MAGI3: variants seen among roughly 807,000 people sequenced by gnomAD.
MAGI3 encodes membrane-associated guanylate kinase, WW and PDZ domain-containing protein 3.
MAGI3 carries 43 observed loss-of-function variants against 121.8 expected under a neutral mutation model. The observed-to-expected ratio is 0.35, with a 90% CI of 0.28 to 0.46. The LOEUF (loss-of-function observed/expected upper bound fraction) is 0.46, where lower values mean the gene tolerates loss of function less well. Ranked by LOEUF, MAGI3 falls within the 20% of genes least tolerant of loss-of-function variation. The probability of loss-of-function intolerance (pLI) is 1.00; values close to 1 mark genes in which losing one functional copy is unlikely to be tolerated. For missense variants in MAGI3, 1,547 were observed against 1,797.3 expected (o/e 0.86, Z 2.52); for synonymous variants, 553 against 639.3 (o/e 0.86, Z 2.04).
At chr1:113,563,410 A>G (rs1223572190) in intron 2 of MAGI3, among the ~76,000 whole-genome samples, 5 of 152,292 alleles carry the variant, frequency 3.3e-5, no homozygotes, top group African/African-American at 1.2e-4. Flanking sequence ...CACAGAAAGG[A>G]TACTGGAGAA....
In MAGI3 at chr1:113,391,030, C is replaced by T. The variant is rs1489561044; in HGVS notation, c.-4C>T. The T allele has an allele frequency of 6.3e-7, 1 of 1,577,594 alleles. No homozygotes were observed. Among genetic ancestry groups the T allele is most frequent in the South Asian group, 1.2e-5 (1 of 86,634 alleles). ...GTCTCCCCCATGGTGCAGCGGGGTT[C>T]GGGATGTCGAAGACGCTGAAGAAGA... On this transcript the variant is annotated 5_prime_UTR_variant, in exon 1 of 21. Coordinates refer to ENST00000307546, the MANE Select transcript of MAGI3 (RefSeq NM_001142782.2). The surrounding 1 kb of genome is among the most constrained non-coding windows in gnomAD (Gnocchi z 4.4).
intron 1 of MAGI3, among the ~76,000 whole-genome samples, chr1:113,434,588 TGAGA>T (rs1441279462): frequency 3.3e-5 from 5 of 152,218 alleles, no homozygotes; most frequent in African/African-American, 4.8e-5. Flanking sequence ...CTCTCTTTAT[TGAGA>T]GAATCTCCTC....
chr1:113,475,250 C>G (rs1655754752), intron 1 of MAGI3, among the ~76,000 whole-genome samples: 1 of 152,108 alleles, frequency 6.6e-6, no homozygotes, highest in Non-Finnish European at 1.5e-5. Context: ...GCCTGATTGC[C>G]CCAGCCAGAA....
At chr1:113,680,676 GA>G (rs1379804925) in intron 19 of MAGI3, among the ~76,000 whole-genome samples, 1 of 152,104 alleles carries the variant, frequency 6.6e-6, no homozygotes, top group Non-Finnish European at 1.5e-5. Flanking sequence ...AGAATGGCGT[GA>G]ACCCAGGAGG....
intron 6 of MAGI3, among the ~76,000 whole-genome samples, chr1:113,595,539 C>T (rs1648946262): frequency 6.6e-6 from 1 of 151,956 alleles, no homozygotes; most frequent in Non-Finnish European, 1.5e-5. Flanking sequence ...AGAAATTAAA[C>T]AGAATTTCCA....
chr1:113,512,533 T>A lies in MAGI3; in HGVS notation c.317-36982T>A, dbSNP rs561921135. ...AAAAATATGTTTTTGGGCATAAATT[T>A]TAAGATTTTTAAAGCCTGTTCTTTT... On this transcript the variant is annotated intron_variant, in intron 1 of 20. Coordinates refer to ENST00000307546, the MANE Select transcript of MAGI3 (RefSeq NM_001142782.2). Among the ~76,000 whole-genome samples the A allele has an allele frequency of 5.3e-5, 8 of 152,328 alleles. No individual in the cohort carries two copies. In the South Asian group the frequency reaches 1.7e-3, roughly 32 times the overall value.
Position 113,438,431 on chromosome 1 carries a change from A to G in MAGI3, c.316+47082A>G, listed in dbSNP as rs138329409. ...CTTAACTAAGCACTTATCACATACT[A>G]TGGCTGTAACTTTTGCAGTTTGAGG... On this transcript the variant is annotated intron_variant, in intron 1 of 20. Coordinates refer to ENST00000307546, the MANE Select transcript of MAGI3 (RefSeq NM_001142782.2). 1.9e-4 allele frequency among the ~76,000 whole-genome samples: 29 copies of G among 152,224 alleles called. No homozygotes were observed. The East Asian group carries it at 5.2e-3, about 27-fold the overall frequency.
chr1:113,552,125 G>A (rs368057113), intron 2 of MAGI3, among the ~76,000 whole-genome samples: 1 of 151,994 alleles, frequency 6.6e-6, no homozygotes, highest in African/African-American at 2.4e-5. Context: ...TTACATTACT[G>A]TACTTTCCTC....
chr1:113,581,051 G>GA (rs1175756099), intron 3 of MAGI3: 1 of 152,454 alleles, frequency 6.6e-6, no homozygotes, highest in African/African-American at 2.4e-5. Context: ...GGAAAAAAGA[G>GA]AATATAAAAT....
chr1:113,577,861 C>T (rs1030665053), intron 2 of MAGI3, among the ~76,000 whole-genome samples: 1 of 152,078 alleles, frequency 6.6e-6, no homozygotes. Context: ...TCGATCAGTG[C>T]TGTTTTTATA....
intron 2 of MAGI3, among the ~76,000 whole-genome samples, chr1:113,572,805 T>C (rs1647382966): frequency 2.0e-5 from 3 of 152,352 alleles, no homozygotes; most frequent in African/African-American, 7.2e-5. Context: ...TTATTCTGGC[T>C]AGTTGCCTGT....
At chr1:113,668,297 C>A (rs1003947886) in intron 16 of MAGI3, among the ~76,000 whole-genome samples, 1 of 152,054 alleles carries the variant, frequency 6.6e-6, no homozygotes, top group Non-Finnish European at 1.5e-5. Flanking sequence ...AGACAGAAAG[C>A]CCAGCAAAAA....
intron 17 of MAGI3, 29 bp from the exon 18 acceptor site, chr1:113,672,586 G>A (rs775817511): frequency 6.2e-7 from 1 of 1,602,940 alleles, no homozygotes. Context: ...TCTCAGTTCA[G>A]AGAGTGACTT....
In MAGI3 at chr1:113,683,198, A is replaced by G; in HGVS notation, c.3630A>G (p.Lys1210=). 1 of 1,614,008 alleles carries G rather than the reference A, an allele frequency of 6.2e-7. No individual in the cohort carries two copies. Among genetic ancestry groups the G allele is most frequent in the Non-Finnish European group, 8.5e-7 (1 of 1,179,900 alleles). The part of the protein sequence containing the change: ...HGHSNKKNLL[K]VENGVTRRGR... ...ACAGTAACAAGAAAAATCTATTAAA[A>G]GTAGAAAATGGTGTTACACGAAGAG... Residue 1210 remains lysine, a synonymous_variant, in exon 21 of 21, where the codon AAA becomes AAG. Transcript: ENST00000307546.
chr1:113,491,172 G>A (rs966086474), intron 1 of MAGI3, among the ~76,000 whole-genome samples: 1 of 151,984 alleles, frequency 6.6e-6, no homozygotes, highest in African/African-American at 2.4e-5. Flanking sequence ...AAATCATAAC[G>A]AACAATATCT....
chr1:113,514,552 A>T (rs1657788697), intron 1 of MAGI3, among the ~76,000 whole-genome samples: 1 of 150,460 alleles, frequency 6.6e-6, no homozygotes. Context: ...GCATATTCTC[A>T]CTCATAGGTG....
At position 113,416,426 on chromosome 1, in the gene MAGI3, A is replaced by AT. The variant is rs1491428348; in HGVS notation, c.316+25078dup. 4.2e-3 allele frequency among the ~76,000 whole-genome samples: 512 copies of AT among 123,050 alleles called. 2 individuals are homozygous for AT. The highest frequency in any genetic ancestry group is 6.2e-3 in the Non-Finnish European group (381 of 61,370). The allele number at this position is 123,050 out of a possible 152,430, so 80.7% of individuals were successfully genotyped here. A position where few individuals can be genotyped will look rare whatever the true frequency, so the allele number is the denominator to read the frequency against. ...ATTAATTAATAATTAATAATTAATAATATATATTAATTATATATGATTTAT... is the reference window on the plus strand; with the variant it reads ...ATTAATTAATAATTAATAATTAATAATTATATATTAATTATATATGATTTAT... On this transcript the variant is annotated intron_variant, in intron 1 of 20. Transcript: ENST00000307546.
chr1:113,450,415 G>A, intron 1 of MAGI3: 1 of 1,137,360 alleles, frequency 8.8e-7, no homozygotes, highest in East Asian at 2.3e-5. Flanking sequence ...GGAGGTGATG[G>A]TGGCAACTAT....
Position 113,587,117 on chromosome 1 carries a change from G to A in MAGI3, c.763+1521G>A, listed in dbSNP as rs575850573. Among the ~76,000 whole-genome samples the A allele has an allele frequency of 2.2e-4, 34 of 152,312 alleles. 1 individual carries two copies. The South Asian group carries it at 6.6e-3, about 30-fold the overall frequency. On this transcript the variant is annotated intron_variant, in intron 4 of 20. Transcript: ENST00000307546. ...CAAACAGAATTCACCTTCTGAATAA[G>A]TATGAACTGTAGTTGTTAGTTAACT...
Sources: gnomAD v4.1 joint callset for allele counts (sites outside exome capture counted in the v4.1 genomes callset) on GRCh38, gnomAD v4.1.1 for gene constraint, Gnocchi (gnomAD v3.1) non-coding constraint, MANE v1.5 for transcripts, NCBI Gene and HGNC (gene_info 2026-07-23, HGNC 2026-07-21) for gene names.